Variants in ZC3H12B observed in about 807,000 individuals in gnomAD.
The protein encoded by ZC3H12B is zinc finger CCCH-type containing 12B.
A neutral mutation model predicts 43.9 loss-of-function variants in ZC3H12B; 7 were observed. That is an observed-to-expected ratio of 0.16 (90% CI 0.09 to 0.30). The LOEUF is 0.30. Among genes scored for constraint, ZC3H12B ranks in the 10% least tolerant of loss-of-function variants. The pLI is 1.00. For missense variants in ZC3H12B, 475 were observed against 670.2 expected (o/e 0.71, Z 3.22); for synonymous variants, 222 against 241.7 (o/e 0.92, Z 0.76).
exon 5 of ZC3H12B, chrX:65,502,332 A>G: frequency 1.7e-6 from 2 of 1,211,571 alleles, no homozygotes; most frequent in South Asian, 3.5e-5. Flanking sequence ...GACCATGGCT[A>G]CTATTCAATG....
At position 65,418,236 on chromosome X, in the gene ZC3H12B, C is replaced by T. The variant is rs770378685; in HGVS notation, n.407+19532C>T. Among the ~76,000 whole-genome samples, 4 of 111,639 alleles carry T rather than the reference C, an allele frequency of 3.6e-5. 1 individual carries two copies. In the South Asian group the frequency reaches 1.5e-3, roughly 42 times the overall value. ...TAATTAATTAATTGAGATAAGATTACTATTTTATTTAAATAATGGAATACC... is the reference window on the plus strand; with the variant it reads ...TAATTAATTAATTGAGATAAGATTATTATTTTATTTAAATAATGGAATACC... On this transcript the variant is annotated intron_variant and non_coding_transcript_variant, in intron 3 of 5. Coordinates refer to the ZC3H12B transcript ENST00000617377.
chrX:65,181,730 A>G, the ZC3H12B span, among the ~76,000 whole-genome samples: 7 of 112,031 alleles, frequency 6.2e-5, no homozygotes, highest in Non-Finnish European at 7.5e-5. Flanking sequence ...TAGAATGGTG[A>G]TCATTCAAAA....
chrX:65,156,266 T>C, the ZC3H12B span, among the ~76,000 whole-genome samples: 1 of 111,147 alleles, frequency 9.0e-6, no homozygotes, highest in Admixed American at 9.6e-5. Context: ...AGTAGTGAGA[T>C]CATGGCTCAC....
the ZC3H12B span, among the ~76,000 whole-genome samples, chrX:65,281,979 C>A: frequency 9.0e-6 from 1 of 111,646 alleles, no homozygotes; most frequent in Non-Finnish European, 1.9e-5. Context: ...AAATGTGATG[C>A]ACCACATTAA....
At chrX:65,120,517 G>T in the ZC3H12B span, among the ~76,000 whole-genome samples, 1 of 111,829 alleles carries the variant, frequency 8.9e-6, no homozygotes, top group Non-Finnish European at 1.9e-5. Flanking sequence ...AGACTTTGCT[G>T]AAGTTGCCTA....
chrX:65,191,410 C>T, the ZC3H12B span, among the ~76,000 whole-genome samples: 1 of 97,235 alleles, frequency 1.0e-5, no homozygotes, highest in Non-Finnish European at 2.0e-5. Flanking sequence ...TAGAATTCGG[C>T]TGTGAATCCA....
the ZC3H12B span, among the ~76,000 whole-genome samples, chrX:65,087,459 G>A: frequency 1.8e-5 from 2 of 112,156 alleles, no homozygotes; most frequent in African/African-American, 6.5e-5. Flanking sequence ...ATATATACAA[G>A]GGATAACTAA....
the ZC3H12B span, among the ~76,000 whole-genome samples, chrX:65,290,074 A>C: frequency 9.0e-6 from 1 of 110,985 alleles, no homozygotes; most frequent in Non-Finnish European, 1.9e-5. Context: ...AATATTTCCA[A>C]CCTATTTATC....
At chrX:65,408,099 G>C (rs2066858530) in intron 3 of ZC3H12B, 5 of 1,195,311 alleles carry the variant, frequency 4.2e-6, no homozygotes, top group Non-Finnish European at 5.6e-6. Context: ...CCGCAGAGCC[G>C]GCACCCGACG....
At chrX:65,342,072 C>A in the ZC3H12B span, among the ~76,000 whole-genome samples, 15,141 of 110,238 alleles carry the variant, frequency 0.14, 2,522 homozygotes, top group African/African-American at 0.47. Context: ...AGAGAAAGAT[C>A]TACCAAGCAA....
the ZC3H12B span, among the ~76,000 whole-genome samples, chrX:65,121,795 C>A: frequency 9.2e-6 from 1 of 109,103 alleles, no homozygotes; most frequent in African/African-American, 3.3e-5. Context: ...TTAGTATTTC[C>A]CTCTACTCAC....
the ZC3H12B span, among the ~76,000 whole-genome samples, chrX:65,052,686 G>A: frequency 3.5e-4 from 39 of 111,116 alleles, no homozygotes; most frequent in African/African-American, 1.2e-3. Flanking sequence ...ATCTGTTGAT[G>A]GACAAATAGG....
the ZC3H12B span, among the ~76,000 whole-genome samples, chrX:65,318,592 G>A: frequency 1.2e-4 from 13 of 109,932 alleles, no homozygotes; most frequent in Non-Finnish European, 1.7e-4. Flanking sequence ...ACTAATTTTT[G>A]TACTTTTAGT....
chrX:65,274,078 T>C, the ZC3H12B span, among the ~76,000 whole-genome samples: 3 of 112,100 alleles, frequency 2.7e-5, no homozygotes, highest in South Asian at 1.1e-3. Flanking sequence ...TCTGCAGCTT[T>C]GTCTCCCCCA....
At chrX:65,282,273 G>A in the ZC3H12B span, among the ~76,000 whole-genome samples, 2 of 109,594 alleles carry the variant, frequency 1.8e-5, no homozygotes, top group African/African-American at 6.6e-5. Flanking sequence ...AACACAGCAA[G>A]ATCTCATCTC....
intron 2 of ZC3H12B, among the ~76,000 whole-genome samples, chrX:65,390,917 A>C (rs2066607029): frequency 8.9e-6 from 1 of 111,915 alleles, no homozygotes; most frequent in Middle Eastern, 4.2e-3. Flanking sequence ...CAATAATAAC[A>C]ATAATTTTAA....
At chrX:65,378,064 A>T (rs779769624) in intron 2 of ZC3H12B, among the ~76,000 whole-genome samples, 1 of 109,891 alleles carries the variant, frequency 9.1e-6, no homozygotes, top group African/African-American at 3.3e-5. Context: ...GTGCCACTGC[A>T]CTCCCGCCTG....
chrX:65,454,976 G>A (rs891300714), intron 3 of ZC3H12B, among the ~76,000 whole-genome samples: 3 of 111,874 alleles, frequency 2.7e-5, no homozygotes, highest in Non-Finnish European at 5.6e-5. Context: ...AACCCCACCT[G>A]TACATTACCA....
chrX:65,152,820 T>C, the ZC3H12B span, among the ~76,000 whole-genome samples: 1 of 111,799 alleles, frequency 8.9e-6, no homozygotes, highest in African/African-American at 3.3e-5. Context: ...TCACGCTACC[T>C]GACTTCAAAC....
Sources: allele counts gnomAD v4.1 joint callset (sites outside exome capture counted in the v4.1 genomes callset), GRCh38; gene constraint gnomAD v4.1.1; transcripts MANE v1.5; gene names NCBI Gene and HGNC (gene_info 2026-07-23, HGNC 2026-07-21).